The following PLXNA4 variants were observed in gnomAD, a reference collection of about 807,000 sequenced individuals.
PLXNA4 encodes the protein plexin A4, also known as plexin-A4.
PLXNA4 carries 44 observed loss-of-function variants against 191.8 expected under a neutral mutation model. The observed-to-expected ratio is 0.23, with a 90% CI of 0.18 to 0.29. The LOEUF (loss-of-function observed/expected upper bound fraction) is 0.29, where lower values mean the gene tolerates loss of function less well. Ranked by LOEUF, PLXNA4 falls within the 10% of genes least tolerant of loss-of-function variation. The pLI, the probability that PLXNA4 is intolerant of heterozygous loss-of-function variation, is 1.00. For synonymous variants in PLXNA4, 1,082 were observed against 1,009.5 expected (o/e 1.07, Z -1.36); for missense variants, 1,800 against 2,488.8 (o/e 0.72, Z 5.89).
At chr7:132,559,678 C>T (rs1425388247) in intron 1 of PLXNA4, among the ~76,000 whole-genome samples, 1 of 152,222 alleles carries the variant, frequency 6.6e-6, no homozygotes, top group Non-Finnish European at 1.5e-5. Context: ...TCTGCAGTTC[C>T]TATGACATGA....
intron 3 of PLXNA4, among the ~76,000 whole-genome samples, chr7:132,326,752 C>T (rs973288224): frequency 6.6e-6 from 1 of 152,144 alleles, no homozygotes; most frequent in Non-Finnish European, 1.5e-5. Context: ...ATAACACAAC[C>T]TGAAGTTATA....
intron 2 of PLXNA4, among the ~76,000 whole-genome samples, chr7:132,585,871 A>G (rs1029249628): frequency 6.6e-6 from 1 of 152,168 alleles, no homozygotes; most frequent in African/African-American, 2.4e-5. Flanking sequence ...AAAGGCCCCA[A>G]CTTGGGGGGT....
chr7:132,577,101 G>A (rs962912878), upstream of PLXNA4: 1 of 146,480 alleles, frequency 6.8e-6, no homozygotes, highest in Non-Finnish European at 1.5e-5. Context: ...CCGGGGAGGC[G>A]CGGGGCTGCG....
chr7:132,580,106 C>T (rs959334952), upstream of PLXNA4, among the ~76,000 whole-genome samples: 15 of 152,158 alleles, frequency 9.9e-5, no homozygotes, highest in African/African-American at 3.6e-4. Flanking sequence ...ATTCAAAGGA[C>T]ATACCATCTT....
At chr7:132,406,035 A>G (rs1794205565) in intron 3 of PLXNA4, among the ~76,000 whole-genome samples, 3 of 152,204 alleles carry the variant, frequency 2.0e-5, no homozygotes, top group South Asian at 4.1e-4. Flanking sequence ...AGTGACAATG[A>G]CTCAATGTGG....
At chr7:132,575,404 G>C (rs1343475595) in intron 1 of PLXNA4, among the ~76,000 whole-genome samples, 1 of 152,222 alleles carries the variant, frequency 6.6e-6, no homozygotes, top group South Asian at 2.1e-4. Flanking sequence ...TGCCTTCTCC[G>C]GTGGGCAGTG....
chr7:132,297,966 A>AAGAT, intron 4 of PLXNA4, 125 bp downstream of exon 4: 1 of 1,264,006 alleles, frequency 7.9e-7, no homozygotes. Flanking sequence ...TATAACTGAA[A>AAGAT]AGATACATAC....
intron 19 of PLXNA4, 36 bp from the exon 20 acceptor site, chr7:132,179,957 G>T: frequency 1.3e-6 from 2 of 1,570,184 alleles, no homozygotes; most frequent in East Asian, 2.3e-5. Flanking sequence ...GCTGGGTGTG[G>T]GGACGCAGCA....
chr7:132,372,568 G>A (rs964006868), intron 3 of PLXNA4, among the ~76,000 whole-genome samples: 5 of 152,268 alleles, frequency 3.3e-5, no homozygotes, highest in African/African-American at 9.6e-5. Flanking sequence ...ACCAAGCAAC[G>A]TGTCCTCTCT....
chr7:132,316,816 A>G (rs1801962380), intron 3 of PLXNA4, among the ~76,000 whole-genome samples: 1 of 152,230 alleles, frequency 6.6e-6, no homozygotes, highest in Non-Finnish European at 1.5e-5. Flanking sequence ...AAAAGTACAC[A>G]ATTTAGTCCC....
At chr7:132,203,544 G>T in intron 10 of PLXNA4, 125 bp from the exon 11 acceptor site, 1 of 769,412 alleles carries the variant, frequency 1.3e-6, no homozygotes, top group African/African-American at 1.7e-5. Flanking sequence ...GACTGTGCTT[G>T]TGTGCATGTG....
At chr7:132,585,190 C>T (rs1210532818) in intron 2 of PLXNA4, among the ~76,000 whole-genome samples, 1 of 152,160 alleles carries the variant, frequency 6.6e-6, no homozygotes, top group Non-Finnish European at 1.5e-5. Context: ...GCTCCAGCAC[C>T]TCCTTTCTAT....
chr7:132,181,472 G>A lies in PLXNA4; in HGVS notation c.3401C>T (p.Thr1134Ile). The change falls in exon 18 of 32, where the codon ACC becomes ATC. Residue 1134 changes from threonine (T) to isoleucine (I), a missense_variant. Physicochemically the swap from Thr to Ile is moderately conservative, Grantham distance 89. Transcript: ENST00000321063. ...NVQSLLILNK[T>I]NFTYYPNPVF... is the part of the protein sequence containing the mutation. ...CGGGTTGGGATAGTAGGTGAAGTTG[G>A]TCTTGTTGAGGATGAGCAGGGACTG... The A allele has an allele frequency of 6.2e-7, 1 of 1,614,170 alleles. No homozygotes were observed. The highest frequency in any genetic ancestry group is 1.1e-5 in the South Asian group (1 of 91,068).
chr7:132,381,988 A>G (rs1397861310), intron 3 of PLXNA4, among the ~76,000 whole-genome samples: 1 of 151,372 alleles, frequency 6.6e-6, no homozygotes, highest in Non-Finnish European at 1.5e-5. Context: ...TCAATTATTC[A>G]CACTCCTGTT....
intron 3 of PLXNA4, among the ~76,000 whole-genome samples, chr7:132,336,023 G>C (rs942822972): frequency 6.6e-6 from 1 of 152,184 alleles, no homozygotes; most frequent in African/African-American, 2.4e-5. Context: ...GAAAGAAGTT[G>C]CCAGAACTTA....
At chr7:132,267,772 C>T (rs1799911429) in intron 4 of PLXNA4, among the ~76,000 whole-genome samples, 1 of 152,114 alleles carries the variant, frequency 6.6e-6, no homozygotes, top group Non-Finnish European at 1.5e-5. Context: ...CAAATGGAGG[C>T]TGTTGCGAGT....
intron 14 of PLXNA4, among the ~76,000 whole-genome samples, chr7:132,193,603 C>T (rs1256807252): frequency 6.6e-6 from 1 of 152,074 alleles, no homozygotes; most frequent in Admixed American, 6.5e-5. Flanking sequence ...TGTAATTTTC[C>T]ACAAGATCAT....
intron 9 of PLXNA4, among the ~76,000 whole-genome samples, chr7:132,211,538 G>A (rs1797800903): frequency 6.6e-6 from 1 of 152,190 alleles, no homozygotes; most frequent in Non-Finnish European, 1.5e-5. Context: ...TCAAGAATTG[G>A]GATGCACAGA....
intron 4 of PLXNA4, among the ~76,000 whole-genome samples, chr7:132,266,839 A>G (rs1235334821): frequency 6.6e-6 from 1 of 152,250 alleles, no homozygotes; most frequent in African/African-American, 2.4e-5. Context: ...ATCAAACAGA[A>G]CTACTTCCAT....
Sources: allele counts gnomAD v4.1 joint callset (sites outside exome capture counted in the v4.1 genomes callset), GRCh38; gene constraint gnomAD v4.1.1; transcripts MANE v1.5; gene names NCBI Gene and HGNC (gene_info 2026-07-23, HGNC 2026-07-21).